PDPR: variants seen among roughly 807,000 people sequenced by gnomAD.
PDPR encodes pyruvate dehydrogenase phosphatase regulatory subunit, also known as pyruvate dehydrogenase phosphatase regulatory subunit, mitochondrial.
Under a neutral mutation model 102.2 loss-of-function variants are expected in PDPR, and 50 were observed. The ratio of observed to expected loss-of-function variants is 0.49; its 90% CI spans 0.39 to 0.62. PDPR has a LOEUF of 0.62. Ranked by LOEUF, PDPR falls within the 20% of genes least tolerant of loss-of-function variation. The pLI is 0.00. For synonymous variants in PDPR, 259 were observed against 406.0 expected (o/e 0.64, Z 4.35); for missense variants, 625 against 1,098.2 (o/e 0.57, Z 6.09).
intron 18 of PDPR, 42 bp from the exon 19 acceptor site, chr16:70,156,431 GTC>G (rs771378048): frequency 3.1e-6 from 5 of 1,602,844 alleles, no homozygotes; most frequent in Non-Finnish European, 4.3e-6. Flanking sequence ...TGTGCCGAGG[GTC>G]TGAGTGTCGC....
At chr16:70,150,352 C>T (rs542659046) in intron 17 of PDPR, among the ~76,000 whole-genome samples, 7 of 152,270 alleles carry the variant, frequency 4.6e-5, no homozygotes, top group Admixed American at 2.6e-4. Flanking sequence ...GATCCACCCA[C>T]CTCGGCCTCC....
At chr16:70,153,758 A>G (rs1367142663) in intron 18 of PDPR, among the ~76,000 whole-genome samples, 185 bp downstream of exon 18, 1 of 152,294 alleles carries the variant, frequency 6.6e-6, no homozygotes, top group Non-Finnish European at 1.5e-5. Flanking sequence ...ATATCTTCAA[A>G]TGAAAACATA....
intron 6 of PDPR, 129 bp from the exon 7 acceptor site, chr16:70,130,294 A>G (rs1955193764): frequency 5.2e-6 from 6 of 1,149,080 alleles, no homozygotes; most frequent in African/African-American, 1.6e-5. Context: ...TCTCAAAAAT[A>G]AAATAAAAAA....
At position 70,156,883 on chromosome 16, in the gene PDPR, C is replaced by A; in HGVS notation, c.*4C>A. The A allele has an allele frequency of 6.2e-7, 1 of 1,612,418 alleles. No individual in the cohort carries two copies. The highest frequency in any genetic ancestry group is 8.5e-7 in the Non-Finnish European group (1 of 1,179,120). On this transcript the variant is annotated 3_prime_UTR_variant, in exon 19 of 19. Coordinates refer to ENST00000288050, the MANE Select transcript of PDPR (RefSeq NM_017990.5). ...GAGTGACTTACATGGGAAGTGATGC[C>A]ACCAGGGCAGCCTCACCTCCTCCCC...
intron 6 of PDPR, among the ~76,000 whole-genome samples, chr16:70,129,631 G>T (rs1964337115): frequency 6.6e-6 from 1 of 152,276 alleles, no homozygotes; most frequent in Non-Finnish European, 1.5e-5. Context: ...TTACAGGCGT[G>T]AGCCACTGTG....
Position 70,146,285 on chromosome 16 carries a change from G to A in PDPR, c.1962+57G>A, listed in dbSNP as rs974571849. On this transcript the variant is annotated intron_variant, in intron 16 of 18. Transcript: ENST00000288050. ...GGGCAGAGAATGTGTCTTTCATAGC[G>A]GTGGCAGGTACATATTCTTACTATG... 2.0e-4 allele frequency: 325 copies of A among 1,611,046 alleles called. 1 individual carries two copies. Among genetic ancestry groups the A allele is most frequent in the Middle Eastern group, 1.7e-4 (1 of 6,060 alleles).
chr16:70,141,912 C>T (rs1244516359), intron 11 of PDPR, among the ~76,000 whole-genome samples: 1 of 152,252 alleles, frequency 6.6e-6, no homozygotes, highest in Non-Finnish European at 1.5e-5. Flanking sequence ...CCAGCCTGAC[C>T]AACATGGAGA....
Position 70,158,827 on chromosome 16 carries a change from C to A in PDPR, c.*1948C>A, listed in dbSNP as rs543926665. 3 of 152,818 alleles carry A rather than the reference C, an allele frequency of 2.0e-5. No homozygotes were observed. The East Asian group carries it at 5.8e-4, about 29-fold the overall frequency. The allele number at this position is 152,818 out of a possible 1,614,324, so 9.5% of individuals were successfully genotyped here. A position where few individuals can be genotyped will look rare whatever the true frequency, so the allele number is the denominator to read the frequency against. On this transcript the variant is annotated 3_prime_UTR_variant, in exon 19 of 19. Coordinates refer to ENST00000288050, the MANE Select transcript of PDPR (RefSeq NM_017990.5). ...TACCTCCGAAGATGGAGACAGGTGACTGAGAGCTGCAGGCCTCCTCTGCTC... is the reference window on the plus strand; with the variant it reads ...TACCTCCGAAGATGGAGACAGGTGAATGAGAGCTGCAGGCCTCCTCTGCTC...
At chr16:70,126,355 T>C (rs1189776735) in intron 3 of PDPR, among the ~76,000 whole-genome samples, 2 of 152,242 alleles carry the variant, frequency 1.3e-5, no homozygotes, top group Non-Finnish European at 2.9e-5. Flanking sequence ...TGGCTAACTT[T>C]TATCTTTATT....
rs1278442418 is a variant in PDPR at position 70,161,673 on chromosome 16, C to G, written c.*4794C>G. ...CAGGGCTCGCCTTTGTAGCCCTGAT[C>G]ACTACCAGTACACTTTTCAAGACAA... On this transcript the variant is annotated 3_prime_UTR_variant, in exon 19 of 19. Transcript: ENST00000288050. 3 of 152,574 alleles carry G rather than the reference C, an allele frequency of 2.0e-5. No homozygotes were observed. The highest frequency in any genetic ancestry group is 4.4e-5 in the Non-Finnish European group (3 of 68,212). The allele number at this position is 152,574 out of a possible 1,614,324, so 9.5% of individuals were successfully genotyped here.
rs1967636674 is a variant in PDPR, at chr16:70,160,060, G to C, written c.*3181G>C. 1 of 152,710 alleles carries C rather than the reference G, an allele frequency of 6.5e-6. No individual in the cohort carries two copies. The highest frequency in any genetic ancestry group is 6.5e-5 in the Admixed American group (1 of 15,292). 9.5% of individuals were successfully genotyped at this position (152,710 alleles called of 1,614,324 possible). On this transcript the variant is annotated 3_prime_UTR_variant, in exon 19 of 19. Coordinates refer to ENST00000288050, the MANE Select transcript of PDPR (RefSeq NM_017990.5). ...CGAAGGATGGTCTCTGCCTTCTCTTGTCGGTGTATGCCATCTGAACCTAGG... is the reference window on the plus strand; with the variant it reads ...CGAAGGATGGTCTCTGCCTTCTCTTCTCGGTGTATGCCATCTGAACCTAGG...
Position 70,136,225 on chromosome 16 carries a change from G to A in PDPR, c.1029G>A (p.Met343Ile), listed in dbSNP as rs768258423. 41 of 1,607,146 alleles carry A rather than the reference G, an allele frequency of 2.6e-5. No homozygotes were observed. In the Middle Eastern group the frequency reaches 4.3e-3, roughly 169 times the overall value. ...TGTTGAGTTCCCTTCTGAGGAGGAT[G>A]CCAGAATTAGAGACTCTGGAGATCA... is the stretch of plus-strand genomic sequence containing the variant. ...EPLLSSLLRR[M>I]PELETLEIMK... Residue 343 changes from methionine (M) to isoleucine (I), a missense_variant, in exon 10 of 19, where the codon ATG (methionine) becomes ATA (isoleucine). By Grantham distance (10) the Met-to-Ile change is conservative (BLOSUM62 1). Coordinates refer to ENST00000288050, the MANE Select transcript of PDPR (RefSeq NM_017990.5).
upstream of PDPR, chr16:70,113,863 G>A (rs1484041582): frequency 4.0e-5 from 6 of 149,888 alleles, no homozygotes; most frequent in South Asian, 1.3e-3. Context: ...AAAGCCCAGA[G>A]CCACTTCCAA....
chr16:70,162,039 A>G lies in PDPR; in HGVS notation c.*5160A>G, dbSNP rs754092366. On this transcript the variant is annotated 3_prime_UTR_variant, in exon 19 of 19. Coordinates refer to ENST00000288050, the MANE Select transcript of PDPR (RefSeq NM_017990.5). ...GCCAGGTTCTAGTGCCTTACACTCC[A>G]GAATGTCAGATGGTGGGTGCAGATT... The G allele has an allele frequency of 6.6e-6, 1 of 152,438 alleles. No homozygotes were observed. The highest frequency in any genetic ancestry group is 2.4e-5 in the African/African-American group (1 of 41,476). 9.4% of individuals were successfully genotyped at this position (152,438 alleles called of 1,614,324 possible). A position where few individuals can be genotyped will look rare whatever the true frequency, so the allele number is the denominator to read the frequency against.
rs576582835 is a variant in PDPR at position 70,115,324 on chromosome 16, A to G, written c.-33+394A>G. On this transcript the variant is annotated intron_variant, in intron 2 of 18. Transcript: ENST00000288050. Reference sequence around the variant, plus strand: ...TTTTTAGTAGAGACGGGGTTTCACTATGTTGGCCAGGCTGGTCTCGAACTC... The same window carrying G: ...TTTTTAGTAGAGACGGGGTTTCACTGTGTTGGCCAGGCTGGTCTCGAACTC... Among the ~76,000 whole-genome samples the G allele has an allele frequency of 5.3e-5, 8 of 151,988 alleles. No homozygotes were observed. The South Asian group carries it at 1.2e-3, about 24-fold the overall frequency.
chr16:70,142,554 C>T lies in PDPR; in HGVS notation c.1473C>T (p.Asp491=), dbSNP rs1215820362. Residue 491 remains aspartate (D), a splice_region_variant and synonymous_variant, in exon 13 of 19, where the codon GAC becomes GAT. Transcript: ENST00000288050. ...RPKYFVPPDK[D]LLALEQSKTF... ...CCTTGTGATTTTTCCATTCCGTAGA[C>T]CTCCTGGCATTGGAGCAGAGCAAGA... 6.2e-7 allele frequency: 1 copy of T among 1,613,838 alleles called. No homozygotes were observed. Among genetic ancestry groups the T allele is most frequent in the Admixed American group, 1.7e-5 (1 of 59,978 alleles).
At chr16:70,134,797 AAAT>A (rs1555524704) in intron 9 of PDPR, among the ~76,000 whole-genome samples, 145 of 148,922 alleles carry the variant, frequency 9.7e-4, no homozygotes, top group East Asian at 1.0e-3. Context: ...AAAAAAAAAA[AAAT>A]AATAATAATA....
intron 15 of PDPR, among the ~76,000 whole-genome samples, chr16:70,144,966 A>C (rs1344929529): frequency 2.0e-5 from 3 of 151,200 alleles, no homozygotes; most frequent in African/African-American, 7.3e-5. Flanking sequence ...AAAAAAAGAA[A>C]ATTGAGGGCT....
intron 18 of PDPR, among the ~76,000 whole-genome samples, chr16:70,154,579 A>G (rs1350986533): frequency 6.6e-6 from 1 of 152,280 alleles, no homozygotes; most frequent in East Asian, 1.9e-4. Context: ...ATGCATTAAC[A>G]TGCCACGAAT....
Sources: allele counts gnomAD v4.1 joint callset (sites outside exome capture counted in the v4.1 genomes callset), GRCh38; gene constraint gnomAD v4.1.1; transcripts MANE v1.5; gene names NCBI Gene and HGNC (gene_info 2026-07-23, HGNC 2026-07-21).